The following EPRS1 variants were observed in gnomAD, a reference collection of about 807,000 sequenced individuals.
EPRS1 encodes bifunctional glutamate/proline--tRNA ligase.
In EPRS1, 107 loss-of-function variants were observed where a neutral mutation model predicts 188.3. The observed-to-expected ratio is 0.57, with a 90% confidence interval of 0.49 to 0.67. EPRS1 has a LOEUF of 0.67. Ranked by LOEUF, EPRS1 falls within the 30% of genes least tolerant of loss-of-function variation. The pLI is 0.00. For synonymous variants in EPRS1, 596 were observed against 593.1 expected (o/e 1.00, Z -0.07); for missense variants, 1,577 against 1,802.2 (o/e 0.88, Z 2.26).
intron 27 of EPRS1, 42 bp downstream of exon 27, chr1:219,979,376 G>A (rs565797137): frequency 7.1e-7 from 1 of 1,406,424 alleles, no homozygotes; most frequent in Non-Finnish European, 9.8e-7. Context: ...AATATGGCTT[G>A]TATTTTATAA....
At chr1:220,033,145 C>CT (rs1662116684) in intron 4 of EPRS1, among the ~76,000 whole-genome samples, 1 of 151,960 alleles carries the variant, frequency 6.6e-6, no homozygotes, top group East Asian at 1.9e-4. Flanking sequence ...GCAATAATGG[C>CT]TTTTTTCAAG....
chr1:219,976,865 C>T (rs2102561301), intron 28 of EPRS1, among the ~76,000 whole-genome samples: 1 of 152,160 alleles, frequency 6.6e-6, no homozygotes, highest in South Asian at 2.1e-4. Context: ...TTAAAAGATT[C>T]GTGTTTTGTT....
In EPRS1 at chr1:220,001,130, G is replaced by A. The variant is rs773133096; in HGVS notation, c.2181+8C>T. 37 of 1,494,606 alleles carry A rather than the reference G, an allele frequency of 2.5e-5. No homozygotes were observed. Among genetic ancestry groups the A allele is most frequent in the East Asian group, 2.3e-5 (1 of 44,318 alleles). The allele number at this position is 1,494,606 out of a possible 1,614,324, so 92.6% of individuals were successfully genotyped here. The stretch of plus-strand genomic sequence containing the variant: ...TATTTTTATACACATATCCGTAAAA[G>A]TCATTACCTCATTTTTTGTGGCTTC... On this transcript the variant is annotated splice_region_variant and intron_variant, in intron 17 of 31. Coordinates refer to ENST00000366923, the MANE Select transcript of EPRS1 (RefSeq NM_004446.3).
intron 18 of EPRS1, among the ~76,000 whole-genome samples, chr1:219,993,413 G>A (rs1377094315): frequency 6.6e-6 from 1 of 152,118 alleles, no homozygotes; most frequent in African/African-American, 2.4e-5. Flanking sequence ...TAGACTTGAT[G>A]GACTTCAAGT....
chr1:219,969,044 T>A lies in EPRS1; in HGVS notation c.4388+14A>T. On this transcript the variant is annotated intron_variant, in intron 31 of 31. Transcript: ENST00000366923. ...TGCAATTTTTCAAAAGTTTTGCCAGTTAATTAGGTTTACCTGGCAGTGGTC... is the reference window on the plus strand; with the variant it reads ...TGCAATTTTTCAAAAGTTTTGCCAGATAATTAGGTTTACCTGGCAGTGGTC... 9 of 1,611,092 alleles carry A rather than the reference T, an allele frequency of 5.6e-6. No individual in the cohort carries two copies. The highest frequency in any genetic ancestry group is 6.8e-6 in the Non-Finnish European group (8 of 1,177,164).
At chr1:220,042,981 A>G (rs1001765751) in intron 1 of EPRS1, among the ~76,000 whole-genome samples, 4 of 152,200 alleles carry the variant, frequency 2.6e-5, no homozygotes, top group Non-Finnish European at 5.9e-5. Context: ...GTCATAGACA[A>G]AAAGATATAT....
chr1:220,046,465 A>C lies in EPRS1; in HGVS notation c.-77T>G. The C allele has an allele frequency of 6.3e-7, 1 of 1,587,448 alleles. No homozygotes were observed. Among genetic ancestry groups the C allele is most frequent in the Non-Finnish European group, 8.6e-7 (1 of 1,167,750 alleles). ...TACGGAGGACCCCGCGAAAGGAAGA[A>C]GATGCAACGTGTGCGCGTACCCGAC... is the stretch of plus-strand genomic sequence containing the variant. On this transcript the variant is annotated 5_prime_UTR_variant, in exon 1 of 32. Coordinates refer to ENST00000366923, the MANE Select transcript of EPRS1 (RefSeq NM_004446.3).
At chr1:220,041,319 G>A (rs1216257202) in intron 1 of EPRS1, among the ~76,000 whole-genome samples, 5 of 149,226 alleles carry the variant, frequency 3.4e-5, no homozygotes, top group African/African-American at 1.0e-4. Context: ...ATGACACAGC[G>A]AAACTGTCTC....
chr1:219,998,310 C>T (rs1007075061), intron 17 of EPRS1, among the ~76,000 whole-genome samples: 1 of 152,044 alleles, frequency 6.6e-6, no homozygotes, highest in African/African-American at 2.4e-5. Flanking sequence ...GCATCTCAAG[C>T]TGTATCAGAG....
At chr1:219,994,466 T>C (rs983230141) in intron 18 of EPRS1, among the ~76,000 whole-genome samples, 3 of 151,690 alleles carry the variant, frequency 2.0e-5, no homozygotes, top group Admixed American at 6.6e-5. Context: ...CAATTAGAAG[T>C]GTTTGGGTCT....
At chr1:220,040,085 A>G in intron 2 of EPRS1, 100 bp downstream of exon 2, 1 of 752,014 alleles carries the variant, frequency 1.3e-6, no homozygotes, top group Non-Finnish European at 2.3e-6. Flanking sequence ...AGCTATGATC[A>G]TGCCAGCCTG....
At position 220,007,466 on chromosome 1, in the gene EPRS1, T is replaced by G. The variant is rs1661513486; in HGVS notation, c.1606-128A>C. ...TCTGTGTTACTAAACTGTTAGCAGT[T>G]CATTGCTGTATTAGGAAGAAAATGC... On this transcript the variant is annotated intron_variant, in intron 13 of 31. Transcript: ENST00000366923. 7.7e-6 allele frequency: 6 copies of G among 780,240 alleles called. No individual in the cohort carries two copies. The East Asian group carries it at 1.6e-4, about 21-fold the overall frequency. 48.3% of individuals were successfully genotyped at this position (780,240 alleles called of 1,614,324 possible).
chr1:219,970,964 G>T (rs1157157974), intron 30 of EPRS1, among the ~76,000 whole-genome samples: 1 of 152,078 alleles, frequency 6.6e-6, no homozygotes, highest in Non-Finnish European at 1.5e-5. Context: ...GAAAGCCAGA[G>T]AGATTAATTT....
intron 18 of EPRS1, among the ~76,000 whole-genome samples, chr1:219,992,675 C>T (rs1450269533): frequency 6.6e-6 from 1 of 152,176 alleles, no homozygotes; most frequent in African/African-American, 2.4e-5. Flanking sequence ...GCCTGTAATC[C>T]CAGCACTTTG....
Position 219,981,460 on chromosome 1 carries a change from G to A in EPRS1, c.3374-3C>T. 3 of 1,577,622 alleles carry A rather than the reference G, an allele frequency of 1.9e-6. No homozygotes were observed. The highest frequency in any genetic ancestry group is 2.6e-6 in the Non-Finnish European group (3 of 1,157,648). ...TTTTGCATATGCAGGATACATTACT[G>A]AAAGACACGGGAAAATAGAGACAGT... On this transcript the variant is annotated splice_polypyrimidine_tract_variant and splice_region_variant and intron_variant, in intron 23 of 31. Coordinates refer to ENST00000366923, the MANE Select transcript of EPRS1 (RefSeq NM_004446.3).
intron 1 of EPRS1, among the ~76,000 whole-genome samples, chr1:220,043,587 C>T (rs953523813): frequency 1.3e-5 from 2 of 152,072 alleles, no homozygotes; most frequent in Non-Finnish European, 2.9e-5. Context: ...TGCATCTGCC[C>T]ATTAAAATTA....
chr1:220,020,824 TTATATATA>T (rs71169429), intron 9 of EPRS1, among the ~76,000 whole-genome samples: 1,347 of 108,926 alleles, frequency 0.012, 18 homozygotes, highest in African/African-American at 0.024. Flanking sequence ...CAATTTGAAT[TTATATATA>T]TATATATATA....
intron 16 of EPRS1, 82 bp from the exon 17 acceptor site, chr1:220,001,337 T>C: frequency 1.2e-6 from 1 of 814,574 alleles, no homozygotes; most frequent in Non-Finnish European, 2.2e-6. Context: ...CCTAGATAAA[T>C]TCAATGGCAC....
At chr1:220,042,008 A>G (rs1318541282) in intron 1 of EPRS1, among the ~76,000 whole-genome samples, 1 of 151,972 alleles carries the variant, frequency 6.6e-6, no homozygotes, top group Non-Finnish European at 1.5e-5. Context: ...AAGGACATAG[A>G]GTCTCTACTA....
Sources: allele counts gnomAD v4.1 joint callset (sites outside exome capture counted in the v4.1 genomes callset), GRCh38; gene constraint gnomAD v4.1.1; transcripts MANE v1.5; gene names NCBI Gene and HGNC (gene_info 2026-07-23, HGNC 2026-07-21).